ZBTB47: variants seen among roughly 807,000 people sequenced by gnomAD.
The protein encoded by ZBTB47 is zinc finger and BTB domain-containing protein 47.
In ZBTB47, 24 loss-of-function variants were observed where a neutral mutation model predicts 56.6. The ratio of observed to expected loss-of-function variants is 0.42; its 90% CI spans 0.31 to 0.60. The LOEUF is 0.60. ZBTB47 is among the 20% of genes least tolerant of loss of function. The pLI is 0.14. For synonymous variants in ZBTB47, 414 were observed against 418.9 expected (o/e 0.99, Z 0.14); for missense variants, 829 against 1,032.6 (o/e 0.80, Z 2.70).
rs1710762948 is a variant in ZBTB47 at position 42,664,645 on chromosome 3, C to T, written c.*47C>T. 4.3e-6 allele frequency: 6 copies of T among 1,386,530 alleles called. No individual in the cohort carries two copies. The highest frequency in any genetic ancestry group is 5.6e-6 in the Non-Finnish European group (6 of 1,080,700). The allele number at this position is 1,386,530 out of a possible 1,614,324, so 85.9% of individuals were successfully genotyped here. ...CCCGCTGGGGCCTGGAGTCAGGGCC[C>T]ACTCCAGGAGGGACCCACTGCCTTC... On this transcript the variant is annotated 3_prime_UTR_variant, in exon 6 of 6. Coordinates refer to ENST00000232974, the MANE Select transcript of ZBTB47 (RefSeq NM_145166.4).
intron 2 of ZBTB47, 61 bp from the exon 3 acceptor site, chr3:42,661,424 T>G (rs1442069021): frequency 6.4e-7 from 1 of 1,571,916 alleles, no homozygotes; most frequent in African/African-American, 1.4e-5. Context: ...GGCAGTAGCT[T>G]GCCCAAGTCC....
Position 42,659,511 on chromosome 3 carries a change from C to A in ZBTB47, c.1156C>A (p.Arg386=). 1 of 1,539,090 alleles carries A rather than the reference C, an allele frequency of 6.5e-7. No homozygotes were observed. Among genetic ancestry groups the A allele is most frequent in the Admixed American group, 2.0e-5 (1 of 49,142 alleles). ...GGCCACACGGTCCCGGGAGAACGCC[C>A]GGCGCCGGGGTACCCCTGAACCTGA... ...HMATRSRENA[R]RRGTPEPEEA... is the part of the protein sequence containing the mutation. Residue 386 remains arginine, a synonymous_variant, in exon 2 of 6, where the codon CGG becomes AGG. Coordinates refer to ENST00000232974, the MANE Select transcript of ZBTB47 (RefSeq NM_145166.4).
intron 1 of ZBTB47, among the ~76,000 whole-genome samples, chr3:42,657,206 A>G (rs1048725341): frequency 5.3e-5 from 8 of 152,204 alleles, no homozygotes; most frequent in South Asian, 2.1e-4. Flanking sequence ...GGCAATTCAC[A>G]GGTGCTGGAT....
chr3:42,664,791 G>A lies in ZBTB47; in HGVS notation c.*193G>A, dbSNP rs541667335. ...GCTGGCAGGCCCCAGAGCTGGTGGA[G>A]GGCATCTCACTCCCAAGTGCCCCCC... On this transcript the variant is annotated 3_prime_UTR_variant, in exon 6 of 6. Coordinates refer to ENST00000232974, the MANE Select transcript of ZBTB47 (RefSeq NM_145166.4). 179 of 528,868 alleles carry A rather than the reference G, an allele frequency of 3.4e-4. No homozygotes were observed. The African/African-American group carries it at 3.4e-3, about 10-fold the overall frequency. The allele number at this position is 528,868 out of a possible 1,614,324, so 32.8% of individuals were successfully genotyped here.
rs1577631850 is a variant in ZBTB47, at chr3:42,666,892, A to G, written c.*2294A>G. Among the ~76,000 whole-genome samples the G allele has an allele frequency of 6.6e-6, 1 of 151,846 alleles. No homozygotes were observed. Among genetic ancestry groups the G allele is most frequent in the African/African-American group, 2.4e-5 (1 of 41,320 alleles). On this transcript the variant is annotated 3_prime_UTR_variant, in exon 6 of 6. Transcript: ENST00000232974. ...CGGGAGCTCTAGGTGGGCACAACCA[A>G]CCCCTCTCCTGGGAGGCCCCTGCCC...
chr3:42,661,736 A>G, intron 3 of ZBTB47, 104 bp downstream of exon 3: 1 of 1,454,152 alleles, frequency 6.9e-7, no homozygotes, highest in Non-Finnish European at 9.2e-7. Context: ...TGAAGGGGTG[A>G]GGAGGCCCCT....
At position 42,654,933 on chromosome 3, in the gene ZBTB47, G is replaced by A. The variant is rs1262335235; in HGVS notation, c.-82+1050G>A. Among the ~76,000 whole-genome samples, 2 of 152,068 alleles carry A rather than the reference G, an allele frequency of 1.3e-5. No individual in the cohort carries two copies. The highest frequency in any genetic ancestry group is 4.8e-5 in the African/African-American group (2 of 41,442). ...CGCCGGCGCGCGAGGCTGAGGTCTT[G>A]CTAGGCACCGGCGAAGGGGGGCGCT... On this transcript the variant is annotated intron_variant, in intron 1 of 5. Transcript: ENST00000232974. The surrounding 1 kb of genome is among the most constrained non-coding windows in gnomAD (Gnocchi z 5.0).
intron 3 of ZBTB47, among the ~76,000 whole-genome samples, chr3:42,662,258 G>A (rs1023533600): frequency 6.6e-6 from 1 of 152,202 alleles, no homozygotes; most frequent in Non-Finnish European, 1.5e-5. Flanking sequence ...TTGAGGGGGA[G>A]GGGTAGCCAA....
chr3:42,661,710 A>G lies in ZBTB47; in HGVS notation c.1621+78A>G, dbSNP rs1710723993. ...CTGGCTGGTGGATGGGAAAGACTTC[A>G]CATCCAAGGGCAATGTGAAGGGGTG... On this transcript the variant is annotated intron_variant, in intron 3 of 5. Coordinates refer to ENST00000232974, the MANE Select transcript of ZBTB47 (RefSeq NM_145166.4). The G allele has an allele frequency of 3.2e-6, 5 of 1,560,312 alleles. No homozygotes were observed. In the East Asian group the frequency reaches 9.1e-5, roughly 28 times the overall value.
At chr3:42,661,935 G>A (rs953831621) in intron 3 of ZBTB47, among the ~76,000 whole-genome samples, 5 of 152,254 alleles carry the variant, frequency 3.3e-5, no homozygotes, top group South Asian at 2.1e-4. Context: ...GCACGGGCTC[G>A]TGTCCACCCA....
chr3:42,658,896 AC>A lies in ZBTB47; in HGVS notation c.543del (p.Ile182LeufsTer57). 1 of 1,508,534 alleles carries A rather than the reference AC, an allele frequency of 6.6e-7. No homozygotes were observed. The highest frequency in any genetic ancestry group is 8.8e-7 in the Non-Finnish European group (1 of 1,132,094). The allele number at this position is 1,508,534 out of a possible 1,614,324, so 93.4% of individuals were successfully genotyped here. A position where few individuals can be genotyped will look rare whatever the true frequency, so the allele number is the denominator to read the frequency against. Reference sequence around the variant, plus strand: ...GACTGCTGGTGGCACAGTGCCTGCCACCATTGGGCCAGCCCAGCCCTTCTTT... The same window carrying A: ...GACTGCTGGTGGCACAGTGCCTGCCACATTGGGCCAGCCCAGCCCTTCTTT... ...AGTAGGTVPA[T>X]IGPAQPFFKE... is the part of the protein sequence containing the mutation. On this transcript the variant is annotated frameshift_variant, in exon 2 of 6. Coordinates refer to ENST00000232974, the MANE Select transcript of ZBTB47 (RefSeq NM_145166.4). LOFTEE classifies it high-confidence loss of function.
rs186848657 is a variant in ZBTB47, at chr3:42,660,438, G to T, written c.1473+610G>T. The stretch of plus-strand genomic sequence containing the variant: ...CATGGGCCTGGGAAAAAGGGATTGG[G>T]TGAGAAATTTGGGAAGAGCAGAGGC... On this transcript the variant is annotated intron_variant, in intron 2 of 5. Coordinates refer to ENST00000232974, the MANE Select transcript of ZBTB47 (RefSeq NM_145166.4). Among the ~76,000 whole-genome samples, 9 of 152,314 alleles carry T rather than the reference G, an allele frequency of 5.9e-5. No individual in the cohort carries two copies. In the East Asian group the frequency reaches 1.7e-3, roughly 29 times the overall value.
Position 42,664,495 on chromosome 3 carries a change from C to T in ZBTB47, c.2141C>T (p.Pro714Leu), listed in dbSNP as rs766157524. ...QPQAHALPLL[P>L]GLPQTLPPPP... ...CAGGCGCACGCACTGCCCCTGCTCC[C>T]GGGGCTGCCCCAGACCCTGCCGCCC... is the stretch of plus-strand genomic sequence containing the variant. The change falls in exon 6 of 6, where the codon CCG (proline) becomes CTG (leucine). Residue 714 changes from proline (P) to leucine (L), a missense_variant. Coordinates refer to ENST00000232974, the MANE Select transcript of ZBTB47 (RefSeq NM_145166.4). The T allele has an allele frequency of 2.4e-5, 36 of 1,493,108 alleles. No homozygotes were observed. The highest frequency in any genetic ancestry group is 3.1e-5 in the Non-Finnish European group (35 of 1,126,008). 92.5% of individuals were successfully genotyped at this position (1,493,108 alleles called of 1,614,324 possible).
At position 42,663,867 on chromosome 3, in the gene ZBTB47, A is replaced by C. The variant is rs1710750451; in HGVS notation, c.1808A>C (p.Gln603Pro). 6.2e-7 allele frequency: 1 copy of C among 1,613,834 alleles called. No homozygotes were observed. Among genetic ancestry groups the C allele is most frequent in the Non-Finnish European group, 8.5e-7 (1 of 1,179,936 alleles). The change falls in exon 5 of 6, where the codon CAG becomes CCG. Residue 603 changes from glutamine to proline, a missense_variant. This residue lies in a region of ZBTB47 where 4 missense variants were observed against 25.6 expected (regional missense o/e 0.16). Coordinates refer to ENST00000232974, the MANE Select transcript of ZBTB47 (RefSeq NM_145166.4). This position sits in a 1 kb window ranked among gnomAD's most constrained non-coding sequence, Gnocchi z 5.1. ...SHMSIHIGHK[Q>P]FMCQWCGKDF... ...ATGAGCATCCACATTGGCCACAAGC[A>C]GTTCATGTGCCAATGGTGCGGCAAG...
At chr3:42,659,898 G>A in intron 2 of ZBTB47, 70 bp downstream of exon 2, 1 of 1,489,352 alleles carries the variant, frequency 6.7e-7, no homozygotes, top group Non-Finnish European at 8.9e-7. Context: ...TGGGCTCTGG[G>A]CACCTAGTGT....
At chr3:42,655,399 G>T (rs1381357182) in intron 1 of ZBTB47, among the ~76,000 whole-genome samples, 1 of 152,194 alleles carries the variant, frequency 6.6e-6, no homozygotes, top group Admixed American at 6.5e-5. Context: ...GAGAGATGAG[G>T]CTTCTCATCA....
At chr3:42,661,411 G>A (rs897899551) in intron 2 of ZBTB47, 74 bp from the exon 3 acceptor site, 11 of 1,520,142 alleles carry the variant, frequency 7.2e-6, no homozygotes, top group Admixed American at 2.0e-5. Flanking sequence ...GAGGCCAGAC[G>A]GGGGCAGTAG....
chr3:42,654,479 C>T lies in ZBTB47; in HGVS notation c.-82+596C>T. The T allele has an allele frequency of 6.5e-6, 1 of 154,346 alleles. No individual in the cohort carries two copies. The highest frequency in any genetic ancestry group is 1.4e-5 in the Non-Finnish European group (1 of 71,608). 9.6% of individuals were successfully genotyped at this position (154,346 alleles called of 1,614,324 possible). On this transcript the variant is annotated intron_variant, in intron 1 of 5. Transcript: ENST00000232974. This position sits in a 1 kb window ranked among gnomAD's most constrained non-coding sequence, Gnocchi z 5.0. Reference sequence around the variant, plus strand: ...CAATCGGCGCCCCGCGCCCCCCGCCCGCCGCGCCCGAGGCTCTGGGGCCGC... The same window carrying T: ...CAATCGGCGCCCCGCGCCCCCCGCCTGCCGCGCCCGAGGCTCTGGGGCCGC...
rs978623184 is a variant in ZBTB47, at chr3:42,667,184, C to T, written c.*2586C>T. ...CTTTCCAGGGCTGGGGGAAGGGGGA[C>T]GCAGGATCATCCCCTCCCAAGGAGA... On this transcript the variant is annotated 3_prime_UTR_variant, in exon 6 of 6. Coordinates refer to ENST00000232974, the MANE Select transcript of ZBTB47 (RefSeq NM_145166.4). 1.4e-4 allele frequency among the ~76,000 whole-genome samples: 21 copies of T among 152,322 alleles called. No homozygotes were observed. The highest frequency in any genetic ancestry group is 3.9e-4 in the East Asian group (2 of 5,178).
Sources: gnomAD v4.1 joint callset for allele counts (sites outside exome capture counted in the v4.1 genomes callset) on GRCh38, gnomAD v4.1.1 for gene constraint, gnomAD v4.1.1 regional missense constraint, Gnocchi (gnomAD v3.1) non-coding constraint, MANE v1.5 for transcripts, NCBI Gene and HGNC (gene_info 2026-07-23, HGNC 2026-07-21) for gene names.